The following IQGAP2 variants were observed in gnomAD, a reference collection of about 807,000 sequenced individuals.
IQGAP2 encodes the protein IQ motif containing GTPase activating protein 2, also known as ras GTPase-activating-like protein IQGAP2.
IQGAP2 carries 173 observed loss-of-function variants against 201.3 expected under a neutral mutation model. That is an observed-to-expected ratio of 0.86 (90% CI 0.76 to 0.98). IQGAP2 has a LOEUF of 0.98. Ranked by LOEUF, IQGAP2 falls within the 50% of genes least tolerant of loss-of-function variation. The pLI is 0.00. For missense variants in IQGAP2, 1,687 were observed against 1,864.8 expected (o/e 0.90, Z 1.76); for synonymous variants, 675 against 673.9 (o/e 1.00, Z -0.03).
chr5:76,511,317 T>C (rs1561427893), intron 2 of IQGAP2, among the ~76,000 whole-genome samples: 1 of 152,166 alleles, frequency 6.6e-6, no homozygotes, highest in Non-Finnish European at 1.5e-5. Context: ...GGTCACAAGA[T>C]GGCTGCCATG....
At chr5:76,460,051 G>A (rs985488153) in intron 1 of IQGAP2, among the ~76,000 whole-genome samples, 1 of 152,192 alleles carries the variant, frequency 6.6e-6, no homozygotes, top group African/African-American at 2.4e-5. Context: ...CTATGTGCAA[G>A]GAGCCCTGAC....
chr5:76,622,000 T>G (rs1283019631), intron 13 of IQGAP2, among the ~76,000 whole-genome samples: 1 of 152,052 alleles, frequency 6.6e-6, no homozygotes, highest in Non-Finnish European at 1.5e-5. Context: ...TCCATTTACC[T>G]CTAGAGACAG....
chr5:76,620,413 A>G (rs1376413272), intron 13 of IQGAP2, among the ~76,000 whole-genome samples: 3 of 152,084 alleles, frequency 2.0e-5, no homozygotes, highest in Non-Finnish European at 4.4e-5. Flanking sequence ...GGAAGCAATA[A>G]TGACTCAGGT....
intron 2 of IQGAP2, among the ~76,000 whole-genome samples, chr5:76,517,528 G>A (rs531244631): frequency 5.3e-5 from 8 of 151,186 alleles, no homozygotes; most frequent in Admixed American, 1.3e-4. Context: ...TGGGAGGATC[G>A]CTTGAGGTTG....
intron 13 of IQGAP2, chr5:76,617,388 C>A (rs1749083744): frequency 1.8e-6 from 1 of 542,094 alleles, no homozygotes; most frequent in Non-Finnish European, 3.2e-6. Flanking sequence ...AGTGCCACTG[C>A]ACGCCAGTCT....
intron 2 of IQGAP2, among the ~76,000 whole-genome samples, chr5:76,488,611 G>A (rs1030251855): frequency 7.2e-5 from 11 of 152,156 alleles, no homozygotes; most frequent in Admixed American, 4.6e-4. Flanking sequence ...TTCATCTTTT[G>A]AGGGTTCATC....
intron 2 of IQGAP2, among the ~76,000 whole-genome samples, chr5:76,514,520 T>G (rs181860364): frequency 6.6e-6 from 1 of 152,310 alleles, no homozygotes; most frequent in African/African-American, 2.4e-5. Flanking sequence ...GCCATCAGAT[T>G]AATCTTCCTG....
chr5:76,471,750 G>A (rs1755124882), intron 2 of IQGAP2, among the ~76,000 whole-genome samples: 1 of 152,122 alleles, frequency 6.6e-6, no homozygotes, highest in South Asian at 2.1e-4. Flanking sequence ...ATACTTTAGA[G>A]AATCCAGTGG....
chr5:76,461,919 C>A (rs1365410215), intron 2 of IQGAP2, among the ~76,000 whole-genome samples: 3 of 152,224 alleles, frequency 2.0e-5, no homozygotes, highest in African/African-American at 7.2e-5. Flanking sequence ...TGAGTCACAG[C>A]TGGGTGCACA....
intron 17 of IQGAP2, among the ~76,000 whole-genome samples, chr5:76,649,237 G>A (rs1312504825): frequency 6.6e-6 from 1 of 152,150 alleles, no homozygotes; most frequent in Non-Finnish European, 1.5e-5. Context: ...ATTTTTCGGG[G>A]GAATCAAAGG....
chr5:76,504,566 G>T (rs1206406222), intron 2 of IQGAP2, among the ~76,000 whole-genome samples: 1 of 152,080 alleles, frequency 6.6e-6, no homozygotes, highest in African/African-American at 2.4e-5. Flanking sequence ...GGCCACTTCC[G>T]TGAGCCCCAG....
At position 76,677,350 on chromosome 5, in the gene IQGAP2, A is replaced by G. The variant is rs1297889369; in HGVS notation, c.3660A>G (p.Ser1220=). The part of the protein sequence containing the change: ...ISIEEIISTH[S]LLLEHQDAIA... ...TTGAAGAAATCATCAGCACACACTC[A>G]GTAAGTGGGGATGGGGAGCCATCTT... is the stretch of plus-strand genomic sequence containing the variant. The change falls in exon 28 of 36, where the codon TCA becomes TCG. Residue 1220 remains serine, a splice_region_variant and synonymous_variant. Transcript: ENST00000274364. 3 of 1,613,084 alleles carry G rather than the reference A, an allele frequency of 1.9e-6. No homozygotes were observed. The highest frequency in any genetic ancestry group is 2.5e-6 in the Non-Finnish European group (3 of 1,179,608).
chr5:76,677,045 T>C (rs572605100), intron 27 of IQGAP2, 173 bp from the exon 28 acceptor site: 9 of 584,442 alleles, frequency 1.5e-5, no homozygotes, highest in South Asian at 9.3e-5. Context: ...TCCAGAAACA[T>C]GGATGCAGCT....
At chr5:76,462,206 CT>C (rs997619550) in intron 2 of IQGAP2, among the ~76,000 whole-genome samples, 1 of 152,196 alleles carries the variant, frequency 6.6e-6, no homozygotes, top group African/African-American at 2.4e-5. Context: ...CTTAAATCAA[CT>C]TCCTTTTTCC....
intron 2 of IQGAP2, among the ~76,000 whole-genome samples, chr5:76,520,387 C>G (rs1420697874): frequency 6.6e-6 from 1 of 152,174 alleles, no homozygotes; most frequent in African/African-American, 2.4e-5. Flanking sequence ...GTCTCGAACT[C>G]CCGACCTCAG....
At chr5:76,683,310 CAATTATTTTGG>C (rs2150514520) in intron 29 of IQGAP2, 93 bp downstream of exon 29, 1 of 743,556 alleles carries the variant, frequency 1.3e-6, no homozygotes, top group East Asian at 2.7e-5. Flanking sequence ...CTAGATAAAA[CAATTATTTTGG>C]AATTTAATGC....
At chr5:76,551,532 G>A (rs531736899) in intron 2 of IQGAP2, among the ~76,000 whole-genome samples, 1 of 152,016 alleles carries the variant, frequency 6.6e-6, no homozygotes, top group Non-Finnish European at 1.5e-5. Context: ...GTAGCGAGCC[G>A]AGATCACGTC....
intron 2 of IQGAP2, among the ~76,000 whole-genome samples, chr5:76,556,391 T>C (rs1278063364): frequency 6.6e-6 from 1 of 152,174 alleles, no homozygotes; most frequent in African/African-American, 2.4e-5. Flanking sequence ...TAGTTCCCGC[T>C]GGCATTCACC....
At chr5:76,663,834 G>A (rs576216060) in intron 21 of IQGAP2, among the ~76,000 whole-genome samples, 8 of 152,298 alleles carry the variant, frequency 5.3e-5, no homozygotes, top group African/African-American at 1.4e-4. Context: ...CACTTGGCCC[G>A]CTTCCAACTT....
Sources: allele counts gnomAD v4.1 joint callset (sites outside exome capture counted in the v4.1 genomes callset), GRCh38; gene constraint gnomAD v4.1.1; transcripts MANE v1.5; gene names NCBI Gene and HGNC (gene_info 2026-07-23, HGNC 2026-07-21).